The following SUGCT variants were observed in gnomAD, a reference collection of about 807,000 sequenced individuals.
The protein encoded by SUGCT is succinyl-CoA:glutarate-CoA transferase, also known as succinyl-CoA:glutarate CoA-transferase.
Under a neutral mutation model 55.0 loss-of-function variants are expected in SUGCT, and 41 were observed. That is an observed-to-expected ratio of 0.74 (90% CI 0.58 to 0.97). The LOEUF (loss-of-function observed/expected upper bound fraction) is 0.97, where lower values mean the gene tolerates loss of function less well. Among genes scored for constraint, SUGCT ranks in the 50% least tolerant of loss-of-function variants. SUGCT has a pLI of 0.00. For synonymous variants in SUGCT, 187 were observed against 200.4 expected, an observed-to-expected ratio of 0.93 and a Z score of 0.56; for missense variants, 568 against 547.8, an observed-to-expected ratio of 1.04 and a Z score of -0.37.
At chr7:40,279,112 C>G (rs11764459) in intron 8 of SUGCT, among the ~76,000 whole-genome samples, 45,162 of 151,294 alleles carry the variant, frequency 0.3, 7,066 homozygotes, top group East Asian at 0.46. Flanking sequence ...GTTGGTATTG[C>G]AGGTGTGAGC....
chr7:40,547,940 CAT>C (rs1795082468), intron 12 of SUGCT, among the ~76,000 whole-genome samples: 1 of 152,012 alleles, frequency 6.6e-6, no homozygotes, highest in South Asian at 2.1e-4. Context: ...GAGCTTTGCA[CAT>C]GTCTGTTTAC....
chr7:40,411,823 C>T (rs1399993107), intron 9 of SUGCT, among the ~76,000 whole-genome samples: 1 of 152,032 alleles, frequency 6.6e-6, no homozygotes, highest in Non-Finnish European at 1.5e-5. Flanking sequence ...GTGGATATCC[C>T]AATTGCCCTG....
At chr7:40,206,559 T>G (rs1786986292) in intron 6 of SUGCT, among the ~76,000 whole-genome samples, 1 of 152,198 alleles carries the variant, frequency 6.6e-6, no homozygotes, top group Non-Finnish European at 1.5e-5. Flanking sequence ...TATCAAAGTT[T>G]AAGAAATTTG....
At chr7:40,904,461 A>T in the SUGCT span, among the ~76,000 whole-genome samples, 3 of 152,238 alleles carry the variant, frequency 2.0e-5, no homozygotes, top group Non-Finnish European at 2.9e-5. Context: ...TTATAATTTT[A>T]AAAATTATTG....
chr7:40,809,187 T>C (rs1791268459), intron 13 of SUGCT, among the ~76,000 whole-genome samples: 1 of 152,186 alleles, frequency 6.6e-6, no homozygotes, highest in South Asian at 2.1e-4. Flanking sequence ...ACAAGGTTGT[T>C]ATGAAGATTA....
the SUGCT span, among the ~76,000 whole-genome samples, chr7:40,942,133 C>T: frequency 1.3e-5 from 2 of 152,026 alleles, no homozygotes; most frequent in Non-Finnish European, 1.5e-5. Context: ...TTAACTTCTT[C>T]ACTATGTTAT....
the SUGCT span, among the ~76,000 whole-genome samples, chr7:40,919,793 A>G: frequency 4.6e-5 from 7 of 152,164 alleles, no homozygotes; most frequent in Non-Finnish European, 8.8e-5. Context: ...ATACTTTTCC[A>G]CAACTCCCAA....
chr7:40,588,350 T>A (rs1797517709), intron 12 of SUGCT, among the ~76,000 whole-genome samples: 2 of 152,098 alleles, frequency 1.3e-5, no homozygotes, highest in South Asian at 4.1e-4. Context: ...TTCCTGAAGG[T>A]CTTATATCAC....
chr7:40,778,835 G>T (rs1352678605), intron 13 of SUGCT, among the ~76,000 whole-genome samples: 1 of 152,138 alleles, frequency 6.6e-6, no homozygotes, highest in Non-Finnish European at 1.5e-5. Flanking sequence ...GAGTCTTTTG[G>T]GTAAGGAGAT....
chr7:40,842,022 G>T (rs927849954), intron 13 of SUGCT, among the ~76,000 whole-genome samples: 1 of 152,076 alleles, frequency 6.6e-6, no homozygotes, highest in African/African-American at 2.4e-5. Flanking sequence ...AAATATACTG[G>T]GAAAGAATAA....
chr7:40,670,960 C>T (rs1801910187), intron 12 of SUGCT, among the ~76,000 whole-genome samples: 1 of 152,032 alleles, frequency 6.6e-6, no homozygotes, highest in Non-Finnish European at 1.5e-5. Flanking sequence ...AAGCTACAGA[C>T]CATTATCCAT....
intron 12 of SUGCT, among the ~76,000 whole-genome samples, chr7:40,674,732 T>A (rs187851496): frequency 7.4e-4 from 113 of 152,332 alleles, no homozygotes; most frequent in Non-Finnish European, 5.6e-4. Context: ...TTTGTTTTTG[T>A]TTTTGTCTTT....
intron 13 of SUGCT, among the ~76,000 whole-genome samples, chr7:40,820,073 G>A (rs1474101941): frequency 2.0e-5 from 3 of 152,148 alleles, no homozygotes; most frequent in African/African-American, 7.2e-5. Flanking sequence ...TGTTGTAGAT[G>A]TGTGGTATTA....
At chr7:40,487,448 T>C (rs1322450242) in intron 11 of SUGCT, among the ~76,000 whole-genome samples, 1 of 151,798 alleles carries the variant, frequency 6.6e-6, no homozygotes, top group African/African-American at 2.4e-5. Flanking sequence ...GGCTAATATA[T>C]GATCTGTCCT....
At chr7:40,837,392 C>T (rs1380768951) in intron 13 of SUGCT, among the ~76,000 whole-genome samples, 2 of 152,078 alleles carry the variant, frequency 1.3e-5, no homozygotes, top group Non-Finnish European at 2.9e-5. Context: ...CTCTTCATCT[C>T]CTTAACATGA....
intron 9 of SUGCT, among the ~76,000 whole-genome samples, chr7:40,350,512 G>A (rs1469876546): frequency 1.3e-5 from 2 of 148,548 alleles, no homozygotes; most frequent in African/African-American, 2.5e-5. Context: ...TTTTTTCTTA[G>A]TAGAGTCAGG....
At chr7:40,191,027 T>C (rs991082934) in intron 5 of SUGCT, among the ~76,000 whole-genome samples, 2 of 152,244 alleles carry the variant, frequency 1.3e-5, no homozygotes, top group African/African-American at 4.8e-5. Flanking sequence ...CTCAAACTTA[T>C]TTATTTAGAG....
chr7:40,980,348 T>C, the SUGCT span, among the ~76,000 whole-genome samples: 1 of 152,202 alleles, frequency 6.6e-6, no homozygotes, highest in African/African-American at 2.4e-5. Context: ...ATTCAGTCTA[T>C]AGTATTGCAT....
intron 12 of SUGCT, among the ~76,000 whole-genome samples, chr7:40,534,435 A>G (rs1448738393): frequency 1.3e-5 from 2 of 151,648 alleles, no homozygotes. Context: ...CCTAGGCTTT[A>G]GTGCAGTGGC....
Sources: gnomAD v4.1 joint callset for allele counts (sites outside exome capture counted in the v4.1 genomes callset) on GRCh38, gnomAD v4.1.1 for gene constraint, MANE v1.5 for transcripts, NCBI Gene and HGNC (gene_info 2026-07-23, HGNC 2026-07-21) for gene names.